IGSF5: variants seen among roughly 807,000 people sequenced by gnomAD.
The protein encoded by IGSF5 is immunoglobulin superfamily member 5.
IGSF5 carries 41 observed loss-of-function variants against 39.4 expected under a neutral mutation model. The observed-to-expected ratio is 1.04, with a 90% CI of 0.81 to 1.35. The LOEUF is 1.35. IGSF5 is among the 40% of genes most tolerant of loss of function. The pLI is 0.00. For synonymous variants in IGSF5, 183 were observed against 175.3 expected (o/e 1.04, Z -0.34); for missense variants, 487 against 494.6 (o/e 0.98, Z 0.15).
chr21:39,790,559 G>C (rs1188332821), intron 6 of IGSF5, among the ~76,000 whole-genome samples: 1 of 152,162 alleles, frequency 6.6e-6, no homozygotes, highest in Non-Finnish European at 1.5e-5. Flanking sequence ...TCAGGAGGCT[G>C]ACTTGGGAGG....
intron 2 of IGSF5, among the ~76,000 whole-genome samples, chr21:39,764,270 G>A (rs536210751): frequency 1.6e-4 from 24 of 152,312 alleles, no homozygotes; most frequent in Middle Eastern, 3.4e-3. Context: ...AAGTGCTAAT[G>A]TGCTACTGTG....
At chr21:39,745,745 C>T (rs1161840482) in intron 1 of IGSF5, among the ~76,000 whole-genome samples, 1 of 152,192 alleles carries the variant, frequency 6.6e-6, no homozygotes, top group Non-Finnish European at 1.5e-5. Flanking sequence ...CCCAGATAGC[C>T]TCACACCTGA....
At chr21:39,730,817 C>T in the IGSF5 span, 3 of 152,166 alleles carry the variant, frequency 2.0e-5, no homozygotes, top group Admixed American at 2.0e-4. Flanking sequence ...CTTTGAAAAT[C>T]GAAGTTCACG....
chr21:39,759,836 C>T (rs1476267285), intron 2 of IGSF5, among the ~76,000 whole-genome samples: 1 of 145,278 alleles, frequency 6.9e-6, no homozygotes, highest in East Asian at 2.0e-4. Context: ...CACTGCCCTC[C>T]AGCTTGGGTG....
At chr21:39,775,853 A>G (rs2080137088) in intron 4 of IGSF5, among the ~76,000 whole-genome samples, 1 of 152,166 alleles carries the variant, frequency 6.6e-6, no homozygotes, top group Admixed American at 6.5e-5. Context: ...ATGCAAATAC[A>G]TTTATGTCAT....
chr21:39,794,596 A>C (rs758088042), intron 8 of IGSF5, among the ~76,000 whole-genome samples: 11 of 152,232 alleles, frequency 7.2e-5, no homozygotes, highest in Non-Finnish European at 1.3e-4. Context: ...TATAACCAAC[A>C]CCCTTTTCTG....
chr21:39,769,327 C>T (rs772855265), intron 3 of IGSF5, among the ~76,000 whole-genome samples: 2 of 151,780 alleles, frequency 1.3e-5, no homozygotes, highest in Non-Finnish European at 2.9e-5. Context: ...AAGTGCTGGG[C>T]GCGGTGGCTT....
chr21:39,735,884 C>T, the IGSF5 span, among the ~76,000 whole-genome samples: 1 of 152,212 alleles, frequency 6.6e-6, no homozygotes, highest in African/African-American at 2.4e-5. Flanking sequence ...CCCTTAAGAG[C>T]AGCTCAGGCC....
At chr21:39,748,792 A>T (rs1302666509) in intron 2 of IGSF5, among the ~76,000 whole-genome samples, 1 of 141,068 alleles carries the variant, frequency 7.1e-6, no homozygotes, top group Non-Finnish European at 1.5e-5. Flanking sequence ...ATTTTAATGG[A>T]GTGGTTGTGG....
At chr21:39,765,881 A>G (rs2080085283) in intron 3 of IGSF5, 29 bp downstream of exon 3, 14 of 1,591,720 alleles carry the variant, frequency 8.8e-6, no homozygotes, top group African/African-American at 1.3e-5. Context: ...TCTGAAGTCC[A>G]TCAGGTTAAA....
chr21:39,729,114 C>A, the IGSF5 span: 1 of 152,176 alleles, frequency 6.6e-6, no homozygotes, highest in Non-Finnish European at 1.5e-5. Context: ...ACAAGATGGA[C>A]GTGTATTTCT....
chr21:39,786,148 A>T (rs1034951793), intron 5 of IGSF5, among the ~76,000 whole-genome samples: 5 of 151,870 alleles, frequency 3.3e-5, no homozygotes, highest in African/African-American at 9.7e-5. Context: ...AGCAAAAGAA[A>T]CTACCATCAG....
chr21:39,765,433 C>A, intron 2 of IGSF5, 102 bp from the exon 3 acceptor site: 2 of 1,038,558 alleles, frequency 1.9e-6, no homozygotes, highest in South Asian at 1.5e-5. Flanking sequence ...ACTGGATGGA[C>A]AACCTGGGGG....
the IGSF5 span, among the ~76,000 whole-genome samples, chr21:39,727,380 A>G: frequency 9.8e-5 from 15 of 152,300 alleles, no homozygotes; most frequent in South Asian, 2.7e-3. Flanking sequence ...CCAGCTCTCA[A>G]TGGGGCTATG....
chr21:39,778,986 A>G (rs1274021566), intron 4 of IGSF5, 104 bp from the exon 5 acceptor site: 3 of 1,381,442 alleles, frequency 2.2e-6, no homozygotes, highest in South Asian at 1.4e-5. Flanking sequence ...AGCAGGCTGA[A>G]TAGTTATAAT....
At chr21:39,717,112 T>C in the IGSF5 span, among the ~76,000 whole-genome samples, 1 of 152,134 alleles carries the variant, frequency 6.6e-6, no homozygotes, top group Non-Finnish European at 1.5e-5. Flanking sequence ...GATATTGAGC[T>C]TTTTTTCATA....
At chr21:39,766,134 A>G (rs1202346976) in intron 3 of IGSF5, among the ~76,000 whole-genome samples, 2 of 151,932 alleles carry the variant, frequency 1.3e-5, no homozygotes, top group East Asian at 3.9e-4. Context: ...TTCTGGATGG[A>G]CTAATGTTTA....
the IGSF5 span, among the ~76,000 whole-genome samples, chr21:39,713,273 G>A: frequency 2.0e-5 from 3 of 152,138 alleles, no homozygotes; most frequent in Non-Finnish European, 4.4e-5. Flanking sequence ...AGTGCCTTCT[G>A]GCCCTACTGG....
At chr21:39,718,635 A>G in the IGSF5 span, among the ~76,000 whole-genome samples, 1 of 152,198 alleles carries the variant, frequency 6.6e-6, no homozygotes, top group Non-Finnish European at 1.5e-5. Flanking sequence ...AGTTCTATTT[A>G]TGTGATGAAT....
Sources: allele counts gnomAD v4.1 joint callset (sites outside exome capture counted in the v4.1 genomes callset), GRCh38; gene constraint gnomAD v4.1.1; transcripts MANE v1.5; gene names NCBI Gene and HGNC (gene_info 2026-07-23, HGNC 2026-07-21).